Variants in PCDHA9 observed in about 807,000 individuals in gnomAD.
The protein encoded by PCDHA9 is protocadherin alpha 9.
A neutral mutation model predicts 62.0 loss-of-function variants in PCDHA9; 62 were observed. The observed-to-expected ratio is 1.00, with a 90% CI of 0.81 to 1.23. The LOEUF (loss-of-function observed/expected upper bound fraction) is 1.23, where lower values mean the gene tolerates loss of function less well. Among genes scored for constraint, PCDHA9 ranks in the 50% most tolerant of loss-of-function variants. The pLI, the probability that PCDHA9 is intolerant of heterozygous loss-of-function variation, is 0.00. For missense variants in PCDHA9, 1,205 were observed against 1,249.8 expected (o/e 0.96, Z 0.54); for synonymous variants, 557 against 567.6 (o/e 0.98, Z 0.27).
At chr5:141,003,517 T>C (rs538562882) in intron 3 of PCDHA9, among the ~76,000 whole-genome samples, 1 of 152,238 alleles carries the variant, frequency 6.6e-6, no homozygotes, top group East Asian at 1.9e-4. Context: ...TTCACCATGT[T>C]CCCTAGGCTG....
At chr5:140,968,624 C>CT in intron 1 of PCDHA9, 3 of 1,614,176 alleles carry the variant, frequency 1.9e-6, no homozygotes, top group East Asian at 2.2e-5. Context: ...AAATGCTTGG[C>CT]TTTTTTACCA....
intron 1 of PCDHA9, among the ~76,000 whole-genome samples, chr5:140,974,906 T>G (rs1197306976): frequency 6.6e-6 from 1 of 152,182 alleles, no homozygotes; most frequent in Non-Finnish European, 1.5e-5. Flanking sequence ...TTGTAACAAA[T>G]TACCACAAGT....
chr5:140,884,410 G>T, intron 1 of PCDHA9: 1 of 1,614,008 alleles, frequency 6.2e-7, no homozygotes, highest in South Asian at 1.1e-5. Context: ...TGGTGCTCAC[G>T]TTGCTGCTGT....
intron 1 of PCDHA9, chr5:140,968,919 T>C (rs2096279642): frequency 1.2e-6 from 2 of 1,614,116 alleles, no homozygotes; most frequent in South Asian, 1.1e-5. Flanking sequence ...GTGTCTTTTA[T>C]ATTTCTTTTG....
At chr5:140,941,852 T>G (rs1254913265) in intron 1 of PCDHA9, among the ~76,000 whole-genome samples, 2 of 152,236 alleles carry the variant, frequency 1.3e-5, no homozygotes, top group Non-Finnish European at 2.9e-5. Context: ...TTACCTGATA[T>G]TCCCTATCAT....
In PCDHA9 at chr5:140,857,559, C is replaced by T; in HGVS notation, c.2394+6670C>T. On this transcript the variant is annotated intron_variant, in intron 1 of 3. Transcript: ENST00000532602. The stretch of plus-strand genomic sequence containing the variant: ...CGGCGGTTGGGCGAGCGCTCGCTGT[C>T]GAGCTACGTGTCGGTGCACGCGGAG... 1.3e-6 allele frequency: 2 copies of T among 1,596,876 alleles called. No homozygotes were observed. Among genetic ancestry groups the T allele is most frequent in the South Asian group, 1.1e-5 (1 of 90,494 alleles).
chr5:140,927,862 G>T, intron 1 of PCDHA9: 1 of 1,614,200 alleles, frequency 6.2e-7, no homozygotes. Context: ...AGCTAGCACC[G>T]CTAAACTGCT....
chr5:140,995,679 T>C (rs2153934903), intron 3 of PCDHA9, among the ~76,000 whole-genome samples: 1 of 152,322 alleles, frequency 6.6e-6, no homozygotes, highest in Non-Finnish European at 1.5e-5. Context: ...GCAGCATTTT[T>C]TTTAATTGTT....
At position 140,849,777 on chromosome 5, in the gene PCDHA9, C is replaced by T. The variant is rs2150449616; in HGVS notation, c.1282C>T (p.Arg428Trp). 1.3e-6 allele frequency: 2 copies of T among 1,598,440 alleles called. No individual in the cohort carries two copies. Among genetic ancestry groups the T allele is most frequent in the Non-Finnish European group, 1.7e-6 (2 of 1,167,954 alleles). The stretch of plus-strand genomic sequence containing the variant: ...CGCCTACGAGCTGGTGGTTACCGCG[C>T]GGGACGGGGGCTCGCCTTCACTGTG... ...VSAYELVVTA[R>W]DGGSPSLWAT... The change falls in exon 1 of 4, where the codon CGG becomes TGG. Residue 428 changes from arginine to tryptophan, a missense_variant. By Grantham distance (101) the Arg-to-Trp change is moderately radical. Coordinates refer to ENST00000532602, the MANE Select transcript of PCDHA9 (RefSeq NM_031857.2).
rs2150470014 is a variant in PCDHA9, at chr5:140,850,157, C to T, written c.1662C>T (p.Phe554=). The part of the protein sequence containing the change: ...PLGSNVTLQV[F]VLDENDNAPA... ...GCAGCAACGTGACGCTGCAGGTGTT[C>T]GTGCTGGACGAGAACGACAATGCGC... The change falls in exon 1 of 4, where the codon TTC becomes TTT. Residue 554 remains phenylalanine (F), a synonymous_variant. Transcript: ENST00000532602. 2 of 1,594,994 alleles carry T rather than the reference C, an allele frequency of 1.3e-6. No homozygotes were observed. Among genetic ancestry groups the T allele is most frequent in the African/African-American group, 1.3e-5 (1 of 74,340 alleles).
intron 1 of PCDHA9, among the ~76,000 whole-genome samples, chr5:140,908,003 C>G (rs1325602233): frequency 1.3e-5 from 2 of 152,164 alleles, no homozygotes; most frequent in Non-Finnish European, 2.9e-5. Context: ...ACCATCCAGC[C>G]AAACCACTGG....
At chr5:140,962,037 C>G (rs1449536712) in intron 1 of PCDHA9, among the ~76,000 whole-genome samples, 1 of 152,066 alleles carries the variant, frequency 6.6e-6, no homozygotes, top group African/African-American at 2.4e-5. Flanking sequence ...GCACCCACCA[C>G]CATGCCTGGC....
intron 1 of PCDHA9, chr5:140,875,290 A>AT (rs1231810985): frequency 7.9e-6 from 11 of 1,396,906 alleles, no homozygotes; most frequent in Non-Finnish European, 1.0e-5. Context: ...AAACAGGAAA[A>AT]TTTTTTTCTC....
At chr5:140,857,353 G>A (rs1197611806) in intron 1 of PCDHA9, 1 of 1,598,220 alleles carries the variant, frequency 6.3e-7, no homozygotes, top group African/African-American at 1.3e-5. Flanking sequence ...CTCCGCTGTG[G>A]GCCACGGCCA....
intron 3 of PCDHA9, among the ~76,000 whole-genome samples, chr5:140,999,140 G>A (rs1473682487): frequency 6.6e-6 from 1 of 152,164 alleles, no homozygotes; most frequent in African/African-American, 2.4e-5. Context: ...TGTCACAGCC[G>A]GAAGTCTTCA....
intron 1 of PCDHA9, among the ~76,000 whole-genome samples, chr5:140,891,310 G>A (rs1361380938): frequency 6.6e-6 from 1 of 152,030 alleles, no homozygotes; most frequent in Non-Finnish European, 1.5e-5. Flanking sequence ...GATTACATGA[G>A]TAAGTTCTTT....
chr5:140,871,141 C>T (rs1431247385), intron 1 of PCDHA9: 1 of 1,613,320 alleles, frequency 6.2e-7, no homozygotes, highest in Admixed American at 1.7e-5. Context: ...GGCCTCTTCC[C>T]GGACTTTGGC....
intron 3 of PCDHA9, among the ~76,000 whole-genome samples, chr5:140,989,660 G>T (rs1369597923): frequency 6.6e-6 from 1 of 152,180 alleles, no homozygotes; most frequent in Non-Finnish European, 1.5e-5. Context: ...TATTTTAAAA[G>T]AAACTCTGCC....
rs2047281878 is a variant in PCDHA9, at chr5:140,862,273, A to T, written c.2394+11384A>T. On this transcript the variant is annotated intron_variant, in intron 1 of 3. Coordinates refer to ENST00000532602, the MANE Select transcript of PCDHA9 (RefSeq NM_031857.2). ...CCAGAGTTAGCAGTAAGTCACTATC[A>T]TTCCCTGTACAGGAGGACGCTCCAC... The T allele has an allele frequency of 1.2e-5, 3 of 240,916 alleles. No individual in the cohort carries two copies. In the South Asian group the frequency reaches 1.9e-4, roughly 15 times the overall value. 14.9% of individuals were successfully genotyped at this position (240,916 alleles called of 1,614,324 possible).
Sources: allele counts gnomAD v4.1 joint callset (sites outside exome capture counted in the v4.1 genomes callset), GRCh38; gene constraint gnomAD v4.1.1; transcripts MANE v1.5; gene names NCBI Gene and HGNC (gene_info 2026-07-23, HGNC 2026-07-21).